NBEA: variants seen among roughly 807,000 people sequenced by gnomAD.
The protein encoded by NBEA is neurobeachin.
A neutral mutation model predicts 343.4 loss-of-function variants in NBEA; 44 were observed. That is an observed-to-expected ratio of 0.13 (90% confidence interval 0.10 to 0.16). The LOEUF (loss-of-function observed/expected upper bound fraction) is 0.16. Ranked by LOEUF, NBEA falls within the 10% of genes least tolerant of loss-of-function variation. The pLI, the probability that NBEA is intolerant of heterozygous loss-of-function variation, is 1.00. For missense variants in NBEA, 2,555 were observed against 3,631.3 expected (o/e 0.70, Z 7.62); for synonymous variants, 1,175 against 1,238.7 (o/e 0.95, Z 1.08).
chr13:35,341,675 A>T (rs2039592862), intron 36 of NBEA, among the ~76,000 whole-genome samples: 1 of 152,104 alleles, frequency 6.6e-6, no homozygotes, highest in Non-Finnish European at 1.5e-5. Context: ...CCACAGTAAG[A>T]TACCACTTCA....
intron 33 of NBEA, among the ~76,000 whole-genome samples, chr13:35,215,800 C>G (rs1422304830): frequency 6.6e-6 from 1 of 151,558 alleles, no homozygotes. Flanking sequence ...TTCACCAGTA[C>G]AGCCATTTCT....
At chr13:34,951,981 A>T (rs1326866103) in intron 1 of NBEA, among the ~76,000 whole-genome samples, 1 of 152,200 alleles carries the variant, frequency 6.6e-6, no homozygotes, top group Non-Finnish European at 1.5e-5. Context: ...GCGGAATTGA[A>T]CACAGCAGTG....
intron 41 of NBEA, among the ~76,000 whole-genome samples, chr13:35,479,194 T>A (rs963885452): frequency 6.6e-6 from 1 of 152,160 alleles, no homozygotes; most frequent in African/African-American, 2.4e-5. Flanking sequence ...AGGACTGTGT[T>A]TTCTAAGCTG....
At chr13:35,449,320 G>A (rs1294665594) in intron 39 of NBEA, among the ~76,000 whole-genome samples, 1 of 152,230 alleles carries the variant, frequency 6.6e-6, no homozygotes, top group Admixed American at 6.5e-5. Context: ...GAGTCAGGCA[G>A]CTGTTGACAC....
chr13:35,581,902 AAAG>A (rs143146722), intron 45 of NBEA, among the ~76,000 whole-genome samples: 17,129 of 120,016 alleles, frequency 0.14, 964 homozygotes, highest in East Asian at 0.27. Context: ...AAAAAAAAGA[AAAG>A]AAAAAAAAAG....
At chr13:35,475,155 T>C in intron 41 of NBEA, 2 of 1,614,102 alleles carry the variant, frequency 1.2e-6, no homozygotes, top group Non-Finnish European at 1.7e-6. Flanking sequence ...GAGGTTTGCC[T>C]TGAAACAGAT....
chr13:35,276,622 A>C (rs550452306), intron 34 of NBEA, among the ~76,000 whole-genome samples: 1 of 152,344 alleles, frequency 6.6e-6, no homozygotes, highest in South Asian at 2.1e-4. Context: ...CTGGGATACT[A>C]ATGCACGTTA....
intron 1 of NBEA, among the ~76,000 whole-genome samples, chr13:34,981,719 T>C (rs1285438805): frequency 6.6e-6 from 1 of 152,092 alleles, no homozygotes; most frequent in Non-Finnish European, 1.5e-5. Context: ...GCCTGCACTT[T>C]TCTTTGTGGG....
At chr13:35,311,450 C>T (rs1018364239) in intron 36 of NBEA, among the ~76,000 whole-genome samples, 4 of 152,004 alleles carry the variant, frequency 2.6e-5, no homozygotes, top group African/African-American at 9.6e-5. Context: ...TTGCTAATAT[C>T]AGAGATTTTA....
At chr13:35,140,543 C>T (rs1385355811) in intron 17 of NBEA, among the ~76,000 whole-genome samples, 1 of 151,994 alleles carries the variant, frequency 6.6e-6, no homozygotes, top group Non-Finnish European at 1.5e-5. Flanking sequence ...CTTTTTCAGT[C>T]ATATTTAAGT....
intron 1 of NBEA, among the ~76,000 whole-genome samples, chr13:34,983,400 T>C (rs889883174): frequency 1.3e-5 from 2 of 152,158 alleles, no homozygotes; most frequent in Non-Finnish European, 2.9e-5. Context: ...ATATGTGCCA[T>C]ATTTTCTTAA....
intron 38 of NBEA, among the ~76,000 whole-genome samples, chr13:35,426,110 G>A (rs907314985): frequency 1.3e-5 from 2 of 152,158 alleles, no homozygotes; most frequent in African/African-American, 4.8e-5. Context: ...CAATTTGCCA[G>A]TCTGTTTCTT....
chr13:35,597,123 G>C (rs772458330), intron 47 of NBEA, among the ~76,000 whole-genome samples: 28 of 152,040 alleles, frequency 1.8e-4, no homozygotes, highest in Non-Finnish European at 2.9e-4. Context: ...CATACTTTCA[G>C]GTCCAATTTC....
At chr13:35,278,728 G>A (rs2034823973) in intron 34 of NBEA, among the ~76,000 whole-genome samples, 2 of 152,134 alleles carry the variant, frequency 1.3e-5, no homozygotes, top group South Asian at 2.1e-4. Context: ...TAGAACCTGG[G>A]ATACTCAAGA....
At chr13:35,375,263 T>G (rs759184575) in intron 38 of NBEA, among the ~76,000 whole-genome samples, 3 of 152,112 alleles carry the variant, frequency 2.0e-5, no homozygotes, top group African/African-American at 7.2e-5. Context: ...TCATTTCTTT[T>G]GGTATTTAAG....
chr13:35,160,619 GA>G (rs2069488346), intron 22 of NBEA, among the ~76,000 whole-genome samples: 1 of 152,102 alleles, frequency 6.6e-6, no homozygotes, highest in African/African-American at 2.4e-5. Context: ...AGAAAAATTA[GA>G]ATTGTTAGCA....
intron 1 of NBEA, among the ~76,000 whole-genome samples, chr13:35,009,921 A>C (rs914954050): frequency 1.3e-5 from 2 of 152,184 alleles, no homozygotes; most frequent in African/African-American, 4.8e-5. Flanking sequence ...TGAGAAAGTC[A>C]GGAGTTAAGT....
chr13:35,177,461 G>A (rs967184917), intron 28 of NBEA, among the ~76,000 whole-genome samples: 2 of 151,738 alleles, frequency 1.3e-5, no homozygotes, highest in Non-Finnish European at 3.0e-5. Flanking sequence ...CTTACATTAT[G>A]GATGAAAGGG....
intron 36 of NBEA, among the ~76,000 whole-genome samples, chr13:35,317,058 G>C (rs2037787836): frequency 6.6e-6 from 1 of 152,116 alleles, no homozygotes; most frequent in African/African-American, 2.4e-5. Context: ...CATGCTGTAG[G>C]TTGCCTGTTC....
Sources: allele counts gnomAD v4.1 joint callset (sites outside exome capture counted in the v4.1 genomes callset), GRCh38; gene constraint gnomAD v4.1.1; transcripts MANE v1.5; gene names NCBI Gene and HGNC (gene_info 2026-07-23, HGNC 2026-07-21).